BTBD8: variants seen among roughly 807,000 people sequenced by gnomAD.
The protein encoded by BTBD8 is BTB domain containing 8.
BTBD8 carries 110 observed loss-of-function variants against 162.9 expected under a neutral mutation model. That is an observed-to-expected ratio of 0.68 (90% CI 0.58 to 0.79). The LOEUF is 0.79. BTBD8 is among the 30% of genes least tolerant of loss of function. The pLI is 0.00. For synonymous variants in BTBD8, 667 were observed against 716.1 expected (o/e 0.93, Z 1.10); for missense variants, 1,905 against 2,085.4 (o/e 0.91, Z 1.68).
chr1:92,155,909 G>T (rs1020569788), intron 9 of BTBD8, among the ~76,000 whole-genome samples: 7 of 152,010 alleles, frequency 4.6e-5, no homozygotes, highest in Non-Finnish European at 1.0e-4. Flanking sequence ...TTACAGTTTG[G>T]ATGCCTTATT....
rs975082016 is a variant in BTBD8 at position 92,181,010 on chromosome 1, T to C, written c.3327T>C (p.Asp1109=). Residue 1109 remains aspartate, a synonymous_variant, in exon 17 of 18, where the codon GAT becomes GAC. Coordinates refer to ENST00000636805, the MANE Select transcript of BTBD8 (RefSeq NM_001376131.1). The stretch of plus-strand genomic sequence containing the variant: ...CCTTGAACTCTAATCCAGTTTGTGA[T>C]TTAGACTCAACAAGTGCAGGGCAAA... ...ENSLNSNPVC[D]LDSTSAGQIH... The C allele has an allele frequency of 1.9e-6, 3 of 1,551,686 alleles. No individual in the cohort carries two copies. The highest frequency in any genetic ancestry group is 2.6e-6 in the Non-Finnish European group (3 of 1,147,016).
intron 2 of BTBD8, among the ~76,000 whole-genome samples, chr1:92,095,540 A>G (rs1648427706): frequency 6.6e-6 from 1 of 152,178 alleles, no homozygotes; most frequent in African/African-American, 2.4e-5. Flanking sequence ...TTAAACACTC[A>G]TGAATGTCCT....
intron 16 of BTBD8, among the ~76,000 whole-genome samples, chr1:92,179,999 T>C (rs911916724): frequency 6.6e-6 from 1 of 152,142 alleles, no homozygotes; most frequent in African/African-American, 2.4e-5. Flanking sequence ...TCAAGTCTGT[T>C]TACTTGAGGA....
chr1:92,155,799 C>A (rs1650147188), intron 9 of BTBD8, among the ~76,000 whole-genome samples: 1 of 152,114 alleles, frequency 6.6e-6, no homozygotes, highest in South Asian at 2.1e-4. Flanking sequence ...TAGCTTTCAT[C>A]TTTACTGAAT....
chr1:92,163,738 C>T, intron 9 of BTBD8, among the ~76,000 whole-genome samples: 1 of 152,142 alleles, frequency 6.6e-6, no homozygotes, highest in Non-Finnish European at 1.5e-5. Context: ...AGTGTTTGGT[C>T]TGAAAGTATT....
At chr1:92,123,256 G>C (rs1320689685) in intron 4 of BTBD8, among the ~76,000 whole-genome samples, 1 of 152,172 alleles carries the variant, frequency 6.6e-6, no homozygotes, top group Non-Finnish European at 1.5e-5. Context: ...CTGCTTTATA[G>C]TAAGTGACAT....
rs1329397882 is a variant in BTBD8 at position 92,180,617 on chromosome 1, C to G, written c.2934C>G (p.Asn978Lys). ...SMFHDVRDNN[N>K]KDSVSEQKPH... Reference sequence around the variant, plus strand: ...TTCATGATGTGCGTGATAATAACAACAAGGACAGTGTTTCTGAACAGAAGC... The same window carrying G: ...TTCATGATGTGCGTGATAATAACAAGAAGGACAGTGTTTCTGAACAGAAGC... The change falls in exon 17 of 18, where the codon AAC (asparagine) becomes AAG (lysine). Residue 978 changes from asparagine to lysine, a missense_variant. Asn to Lys is a moderately conservative substitution (Grantham distance 94). Transcript: ENST00000636805. The G allele has an allele frequency of 6.4e-7, 1 of 1,551,206 alleles. No individual in the cohort carries two copies. Among genetic ancestry groups the G allele is most frequent in the East Asian group, 2.4e-5 (1 of 40,912 alleles).
chr1:92,115,492 C>T lies in BTBD8; in HGVS notation c.662+7491C>T, dbSNP rs115966966. 327 of 438,684 alleles carry T rather than the reference C, an allele frequency of 7.5e-4. 8 individuals carry two copies. Among genetic ancestry groups the T allele is most frequent in the African/African-American group, 6.0e-3 (295 of 48,846 alleles). 27.2% of individuals were successfully genotyped at this position (438,684 alleles called of 1,614,324 possible). On this transcript the variant is annotated intron_variant, in intron 4 of 17. Transcript: ENST00000636805. ...TCTAAGTGAGCCCCAGCCTTCTCCA[C>T]GGTAGTGAAGATGCCAGTGGACTCC... is the stretch of plus-strand genomic sequence containing the variant.
At chr1:92,168,799 A>G in intron 11 of BTBD8, 67 bp from the exon 12 acceptor site, 2 of 1,386,452 alleles carry the variant, frequency 1.4e-6, no homozygotes, top group South Asian at 1.8e-5. Flanking sequence ...AGATTCTGAA[A>G]GGAATAATGA....
At chr1:92,176,766 C>T in intron 13 of BTBD8, 63 bp from the exon 14 acceptor site, 1 of 816,446 alleles carries the variant, frequency 1.2e-6, no homozygotes, top group Non-Finnish European at 1.8e-6. Flanking sequence ...CTTTTGGAAA[C>T]ATAAAATATT....
At chr1:92,116,824 A>G (rs1649052414) in intron 4 of BTBD8, among the ~76,000 whole-genome samples, 3 of 150,766 alleles carry the variant, frequency 2.0e-5, no homozygotes, top group Non-Finnish European at 4.4e-5. Flanking sequence ...TAATGTAGTT[A>G]TTAATATGTT....
chr1:92,129,307 A>G (rs1649448838), intron 4 of BTBD8, among the ~76,000 whole-genome samples: 1 of 152,032 alleles, frequency 6.6e-6, no homozygotes, highest in Admixed American at 6.5e-5. Flanking sequence ...ACATAGTGAG[A>G]CCCCATTTCT....
In BTBD8 at chr1:92,167,268, T is replaced by C. The variant is rs1650408143; in HGVS notation, c.1305+128T>C. ...TGATTTAAATAAACTCCATAGCAGATGGCATGTTTACATAGGATTTAAGGC... is the reference window on the plus strand; with the variant it reads ...TGATTTAAATAAACTCCATAGCAGACGGCATGTTTACATAGGATTTAAGGC... On this transcript the variant is annotated intron_variant, in intron 10 of 17. Transcript: ENST00000636805. 6 of 1,199,932 alleles carry C rather than the reference T, an allele frequency of 5.0e-6. No homozygotes were observed. In the Admixed American group the frequency reaches 7.7e-5, roughly 15 times the overall value. 74.3% of individuals were successfully genotyped at this position (1,199,932 alleles called of 1,614,324 possible).
chr1:92,097,109 CCACCAGAT>C (rs1648473998), intron 2 of BTBD8, among the ~76,000 whole-genome samples: 2 of 152,148 alleles, frequency 1.3e-5, no homozygotes, highest in Non-Finnish European at 2.9e-5. Context: ...CTCTATTTGT[CCACCAGAT>C]CTCATCCTAT....
At chr1:92,130,196 G>C (rs956506421) in intron 5 of BTBD8, among the ~76,000 whole-genome samples, 4 of 151,958 alleles carry the variant, frequency 2.6e-5, no homozygotes, top group Admixed American at 2.6e-4. Flanking sequence ...TTCTTATAAG[G>C]AAACGAATCC....
intron 1 of BTBD8, among the ~76,000 whole-genome samples, chr1:92,082,930 A>C (rs939483889): frequency 2.0e-5 from 3 of 152,174 alleles, no homozygotes; most frequent in African/African-American, 7.2e-5. Context: ...TACTTCTCTC[A>C]TGAATCCTGT....
chr1:92,176,125 A>T (rs980703589), intron 13 of BTBD8, among the ~76,000 whole-genome samples: 2 of 152,294 alleles, frequency 1.3e-5, no homozygotes, highest in Admixed American at 6.5e-5. Flanking sequence ...AAATTTTTTT[A>T]AATAAGGACT....
chr1:92,126,312 C>T (rs1649357513), intron 4 of BTBD8: 1 of 593,110 alleles, frequency 1.7e-6, no homozygotes, highest in South Asian at 1.4e-5. Context: ...ATTTGCATTC[C>T]TGATGAATCA....
At position 92,181,752 on chromosome 1, in the gene BTBD8, C is replaced by T. The variant is rs1650915356; in HGVS notation, c.4069C>T (p.His1357Tyr). 2 of 1,551,480 alleles carry T rather than the reference C, an allele frequency of 1.3e-6. No individual in the cohort carries two copies. The highest frequency in any genetic ancestry group is 1.7e-6 in the Non-Finnish European group (2 of 1,146,966). Reference sequence around the variant, plus strand: ...AATTTGGTCTCGATCTGCAATAGTTCACTCTAGGGAAAGAGAAAATATTCC... The same window carrying T: ...AATTTGGTCTCGATCTGCAATAGTTTACTCTAGGGAAAGAGAAAATATTCC... The part of the protein sequence containing the change: ...PEIWSRSAIV[H>Y]SRERENIPRG... Residue 1357 changes from histidine (H) to tyrosine (Y), a missense_variant, in exon 17 of 18, where the codon CAC (histidine) becomes TAC (tyrosine). This residue lies in a region of BTBD8 where 517 missense variants were observed against 606.6 expected (regional missense o/e 0.85). Transcript: ENST00000636805.
Sources: gnomAD v4.1 joint callset for allele counts (sites outside exome capture counted in the v4.1 genomes callset) on GRCh38, gnomAD v4.1.1 for gene constraint, gnomAD v4.1.1 regional missense constraint, MANE v1.5 for transcripts, NCBI Gene and HGNC (gene_info 2026-07-23, HGNC 2026-07-21) for gene names.